Variants in CLYBL observed in about 807,000 individuals in gnomAD.
CLYBL encodes citramalyl-CoA lyase.
In CLYBL, 31 loss-of-function variants were observed where a neutral mutation model predicts 38.9. That is an observed-to-expected ratio of 0.80 (90% CI 0.60 to 1.08). The LOEUF (loss-of-function observed/expected upper bound fraction) is 1.08, where lower values mean the gene tolerates loss of function less well. CLYBL is among the 50% of genes least tolerant of loss of function. The pLI, the probability that CLYBL is intolerant of heterozygous loss-of-function variation, is 0.00. For missense variants in CLYBL, 434 were observed against 411.6 expected, an observed-to-expected ratio of 1.05 and a Z score of -0.47; for synonymous variants, 171 against 158.6, an observed-to-expected ratio of 1.08 and a Z score of -0.59.
intron 1 of CLYBL, among the ~76,000 whole-genome samples, chr13:99,611,935 G>A (rs941371550): frequency 3.3e-5 from 5 of 152,138 alleles, no homozygotes; most frequent in Admixed American, 6.5e-5. Flanking sequence ...CTCTACAAAG[G>A]TATATACCAC....
chr13:99,638,049 G>T (rs2047047061), intron 1 of CLYBL, among the ~76,000 whole-genome samples: 1 of 136,776 alleles, frequency 7.3e-6, no homozygotes, highest in Non-Finnish European at 1.5e-5. Flanking sequence ...CTGCATTCTC[G>T]ACCACCCAGA....
chr13:99,835,414 C>T (rs1393861807), intron 2 of CLYBL, among the ~76,000 whole-genome samples: 1 of 152,168 alleles, frequency 6.6e-6, no homozygotes, highest in Non-Finnish European at 1.5e-5. Flanking sequence ...GCTCACCCTA[C>T]CATGTTTGAG....
At chr13:99,632,730 T>A (rs1017070941) in intron 1 of CLYBL, among the ~76,000 whole-genome samples, 1 of 149,690 alleles carries the variant, frequency 6.7e-6, no homozygotes, top group Admixed American at 6.6e-5. Flanking sequence ...GGTGACAGAG[T>A]GAGACTCCGT....
intron 1 of CLYBL, among the ~76,000 whole-genome samples, chr13:99,638,098 A>G (rs1321780276): frequency 1.3e-5 from 2 of 150,620 alleles, no homozygotes; most frequent in African/African-American, 2.4e-5. Context: ...TGAGTAGCTA[A>G]GACCACCAGC....
At chr13:99,741,250 T>C (rs1476456335) in intron 1 of CLYBL, among the ~76,000 whole-genome samples, 1 of 152,180 alleles carries the variant, frequency 6.6e-6, no homozygotes, top group East Asian at 1.9e-4. Context: ...ATGCCTGTTA[T>C]GAAGTAAATT....
chr13:99,771,321 A>G (rs1321332718), intron 1 of CLYBL, among the ~76,000 whole-genome samples: 1 of 152,196 alleles, frequency 6.6e-6, no homozygotes, highest in East Asian at 1.9e-4. Context: ...TATTGGAATT[A>G]GAGGCGTGGG....
At chr13:99,841,764 A>G (rs1290918164) in intron 2 of CLYBL, among the ~76,000 whole-genome samples, 3 of 151,530 alleles carry the variant, frequency 2.0e-5, no homozygotes, top group African/African-American at 7.3e-5. Flanking sequence ...CCAAAGAAAC[A>G]GGAACACCTA....
At chr13:99,846,482 T>C (rs2051209562) in intron 2 of CLYBL, among the ~76,000 whole-genome samples, 1 of 152,158 alleles carries the variant, frequency 6.6e-6, no homozygotes, top group Non-Finnish European at 1.5e-5. Context: ...GCAGGAAGTA[T>C]TTCTTTGTGT....
At chr13:99,736,943 T>C (rs947771046) in intron 1 of CLYBL, among the ~76,000 whole-genome samples, 2 of 152,180 alleles carry the variant, frequency 1.3e-5, no homozygotes, top group Admixed American at 6.5e-5. Context: ...AAATACTGAC[T>C]AAAAATTGTC....
chr13:99,758,479 TAAAAC>T (rs1321499492), intron 1 of CLYBL, among the ~76,000 whole-genome samples: 1 of 152,146 alleles, frequency 6.6e-6, no homozygotes, highest in Non-Finnish European at 1.5e-5. Context: ...TAAGATAAAA[TAAAAC>T]AAGTTCCATC....
chr13:99,832,344 TAAAAG>T (rs1264971400), intron 2 of CLYBL, among the ~76,000 whole-genome samples: 2 of 152,222 alleles, frequency 1.3e-5, no homozygotes, highest in Non-Finnish European at 2.9e-5. Flanking sequence ...AATGATCTCT[TAAAAG>T]AACCCACTTT....
At chr13:99,794,581 T>TTTATTATTATTATTATTATTATTA (rs1221444900) in intron 2 of CLYBL, among the ~76,000 whole-genome samples, 9,066 of 143,778 alleles carry the variant, frequency 0.063, 322 homozygotes, top group African/African-American at 0.07. Context: ...TATATTTTCA[T>TTTATTATTATTATTATTATTATTA]TTATTATTAT....
intron 2 of CLYBL, among the ~76,000 whole-genome samples, chr13:99,833,476 A>G (rs748189361): frequency 1.3e-5 from 2 of 152,072 alleles, no homozygotes; most frequent in Admixed American, 1.3e-4. Flanking sequence ...TAGTAAACCC[A>G]TTTTTCCCAA....
chr13:99,868,571 C>G (rs1247324291), intron 6 of CLYBL, among the ~76,000 whole-genome samples: 1 of 152,090 alleles, frequency 6.6e-6, no homozygotes, highest in Non-Finnish European at 1.5e-5. Flanking sequence ...ATAAGGATTG[C>G]CTTTACTTTT....
chr13:99,625,160 G>A (rs1192901191), intron 1 of CLYBL, among the ~76,000 whole-genome samples: 3 of 152,158 alleles, frequency 2.0e-5, no homozygotes, highest in Middle Eastern at 3.2e-3. Context: ...TGTGCTGTTC[G>A]TTTGCTGTCC....
intron 1 of CLYBL, among the ~76,000 whole-genome samples, chr13:99,772,179 A>C (rs1305982113): frequency 1.3e-5 from 2 of 151,812 alleles, no homozygotes; most frequent in Non-Finnish European, 2.9e-5. Flanking sequence ...TTGGATAGAT[A>C]TTTTCTTTCC....
chr13:99,741,302 C>T lies in CLYBL; in HGVS notation c.63-31522C>T, dbSNP rs76161475. ...GGTGTTGGGGAGTCAGGGACTTAAG[C>T]TCAGATAAGCCAGAAGGCACTCCTC... On this transcript the variant is annotated intron_variant, in intron 1 of 8. Coordinates refer to ENST00000339105, the MANE Select transcript of CLYBL (RefSeq NM_206808.5). Among the ~76,000 whole-genome samples the T allele has an allele frequency of 6.9e-3, 1,051 of 152,226 alleles. 12 individuals are homozygous for T. Among genetic ancestry groups the T allele is most frequent in the Non-Finnish European group, 0.013 (866 of 68,024 alleles).
intron 8 of CLYBL, chr13:99,892,055 T>G (rs893372367): frequency 2.3e-4 from 35 of 152,230 alleles, no homozygotes; most frequent in African/African-American, 8.4e-4. Flanking sequence ...ACACGAAAGC[T>G]GTCATCCTGG....
At chr13:99,734,435 A>T (rs1490134646) in intron 1 of CLYBL, among the ~76,000 whole-genome samples, 1 of 152,132 alleles carries the variant, frequency 6.6e-6, no homozygotes, top group Non-Finnish European at 1.5e-5. Context: ...GGAGAATGTA[A>T]CGTTGGCCAT....
Sources: gnomAD v4.1 joint callset for allele counts (sites outside exome capture counted in the v4.1 genomes callset) on GRCh38, gnomAD v4.1.1 for gene constraint, MANE v1.5 for transcripts, NCBI Gene and HGNC (gene_info 2026-07-23, HGNC 2026-07-21) for gene names.